Variants in CCAR1 observed in about 807,000 individuals in gnomAD.
The protein encoded by CCAR1 is cell division cycle and apoptosis regulator 1, also known as cell division cycle and apoptosis regulator protein 1.
CCAR1 carries 78 observed loss-of-function variants against 163.8 expected under a neutral mutation model. The ratio of observed to expected loss-of-function variants is 0.48; its 90% CI spans 0.40 to 0.57. The LOEUF (loss-of-function observed/expected upper bound fraction) is 0.57. Ranked by LOEUF, CCAR1 falls within the 20% of genes least tolerant of loss-of-function variation. The pLI is 0.00. For missense variants in CCAR1, 1,019 were observed against 1,365.2 expected (o/e 0.75, Z 4.00); for synonymous variants, 443 against 460.7 (o/e 0.96, Z 0.49).
intron 19 of CCAR1, among the ~76,000 whole-genome samples, chr10:68,778,506 C>T (rs2056695806): frequency 1.4e-5 from 2 of 146,840 alleles, no homozygotes; most frequent in Non-Finnish European, 3.0e-5. Context: ...TCCCTTACTG[C>T]ACATTTCTGG....
chr10:68,766,505 C>G (rs570339353), intron 17 of CCAR1, among the ~76,000 whole-genome samples: 20 of 149,862 alleles, frequency 1.3e-4, no homozygotes, highest in Non-Finnish European at 5.9e-5. Context: ...GCCCGTATCT[C>G]TGAAATCTCT....
At chr10:68,789,966 T>C (rs772973516) in intron 24 of CCAR1, 51 bp downstream of exon 24, 3 of 1,193,188 alleles carry the variant, frequency 2.5e-6, no homozygotes, top group Non-Finnish European at 3.5e-6. Context: ...AATCTAACTC[T>C]GGTGTTTTTA....
chr10:68,721,301 T>C lies in CCAR1; in HGVS notation c.-51+19T>C. 1 of 211,914 alleles carries C rather than the reference T, an allele frequency of 4.7e-6. No homozygotes were observed. The highest frequency in any genetic ancestry group is 4.3e-5 in the South Asian group (1 of 23,178). 13.1% of individuals were successfully genotyped at this position (211,914 alleles called of 1,614,324 possible). The stretch of plus-strand genomic sequence containing the variant: ...GACTCAGGTGAAGGTCTGGTCCCCG[T>C]AGTTGGAGCAGTGGGCGGCCAAGCC... On this transcript the variant is annotated intron_variant, in intron 1 of 24. Transcript: ENST00000265872.
intron 19 of CCAR1, among the ~76,000 whole-genome samples, chr10:68,774,064 G>A (rs995863786): frequency 1.4e-4 from 21 of 151,920 alleles, no homozygotes; most frequent in African/African-American, 4.1e-4. Flanking sequence ...GGCTAATTTT[G>A]TATTTTTAGT....
intron 2 of CCAR1, among the ~76,000 whole-genome samples, chr10:68,728,092 C>T (rs1477060055): frequency 1.3e-5 from 2 of 152,166 alleles, no homozygotes; most frequent in Admixed American, 6.5e-5. Context: ...CCGCCTTGGC[C>T]TCCCAAAATG....
chr10:68,768,715 C>T (rs1564546344), intron 17 of CCAR1, among the ~76,000 whole-genome samples: 3 of 151,720 alleles, frequency 2.0e-5, no homozygotes, highest in Non-Finnish European at 4.4e-5. Context: ...GGGCACAGTC[C>T]CTACGGCACT....
At chr10:68,763,111 T>TC (rs1389741284) in intron 16 of CCAR1, among the ~76,000 whole-genome samples, 12 of 80,862 alleles carry the variant, frequency 1.5e-4, no homozygotes, top group African/African-American at 4.2e-4. Flanking sequence ...ACTTGTGATT[T>TC]CTTTTTTTTT....
chr10:68,771,751 C>G (rs1036314405), intron 18 of CCAR1, among the ~76,000 whole-genome samples: 1 of 151,932 alleles, frequency 6.6e-6, no homozygotes, highest in Non-Finnish European at 1.5e-5. Flanking sequence ...CCACTGCACT[C>G]CAGCCTGGGT....
intron 1 of CCAR1, chr10:68,721,547 T>G (rs2055856903): frequency 2.2e-6 from 1 of 448,374 alleles, no homozygotes. Context: ...ATGGCGACGC[T>G]GCAGTCCGCC....
rs2056495390 is a variant in CCAR1 at position 68,763,207 on chromosome 10, G to A, written c.2106+2015G>A. 3.3e-5 allele frequency among the ~76,000 whole-genome samples: 5 copies of A among 152,058 alleles called. No homozygotes were observed. In the South Asian group the frequency reaches 1.0e-3, roughly 31 times the overall value. The stretch of plus-strand genomic sequence containing the variant: ...CGCCCTGTTGCCAGGTTGGAGTGCA[G>A]TGGTGCGATCTCGGCTCACTGCAGC... On this transcript the variant is annotated intron_variant, in intron 16 of 24. Transcript: ENST00000265872.
At chr10:68,790,291 G>A (rs936716938) in intron 24 of CCAR1, among the ~76,000 whole-genome samples, 2 of 151,478 alleles carry the variant, frequency 1.3e-5, no homozygotes, top group African/African-American at 2.4e-5. Flanking sequence ...TGAAGCAGAG[G>A]TTTCAGTGAG....
intron 23 of CCAR1, among the ~76,000 whole-genome samples, chr10:68,789,287 A>G (rs1356019672): frequency 6.6e-6 from 1 of 151,950 alleles, no homozygotes; most frequent in Non-Finnish European, 1.5e-5. Context: ...GAAATAATAC[A>G]AGTTAAAAAT....
Position 68,755,353 on chromosome 10 carries a change from T to C in CCAR1, c.1459-17T>C. ...AGGGTGCGTAATATATGTAAATGAT[T>C]CTTTGTTTTGAATTAGTTTTTAGTG... On this transcript the variant is annotated splice_polypyrimidine_tract_variant and intron_variant, in intron 12 of 24. Coordinates refer to ENST00000265872, the MANE Select transcript of CCAR1 (RefSeq NM_018237.4). The C allele has an allele frequency of 6.2e-7, 1 of 1,604,456 alleles. No homozygotes were observed. Among genetic ancestry groups the C allele is most frequent in the East Asian group, 2.2e-5 (1 of 44,732 alleles).
chr10:68,735,371 CTTTTTTTTT>C (rs34103994), intron 2 of CCAR1, among the ~76,000 whole-genome samples: 3 of 115,420 alleles, frequency 2.6e-5, no homozygotes, highest in East Asian at 2.6e-4. Context: ...CGTTTTTGTG[CTTTTTTTTT>C]TTTTTTTTTT....
intron 2 of CCAR1, among the ~76,000 whole-genome samples, chr10:68,724,830 A>G (rs1489220823): frequency 6.6e-6 from 1 of 152,114 alleles, no homozygotes; most frequent in African/African-American, 2.4e-5. Context: ...TAGTTACTAG[A>G]CAAAGGAAAA....
chr10:68,783,880 G>C (rs1322015009), intron 19 of CCAR1, among the ~76,000 whole-genome samples: 1 of 151,202 alleles, frequency 6.6e-6, no homozygotes, highest in Non-Finnish European at 1.5e-5. Flanking sequence ...TCAGCCTCCT[G>C]AGTAGTTGGG....
At chr10:68,741,136 C>T (rs1466430201) in intron 5 of CCAR1, among the ~76,000 whole-genome samples, 1 of 151,874 alleles carries the variant, frequency 6.6e-6, no homozygotes, top group Non-Finnish European at 1.5e-5. Flanking sequence ...CTGGTCTCGC[C>T]TAAGGTCCAG....
chr10:68,729,009 T>A (rs1387806570), intron 2 of CCAR1, among the ~76,000 whole-genome samples: 9 of 151,998 alleles, frequency 5.9e-5, no homozygotes, highest in African/African-American at 1.2e-4. Flanking sequence ...AATAAGCATG[T>A]GCTACATCTG....
intron 2 of CCAR1, among the ~76,000 whole-genome samples, chr10:68,729,033 G>A (rs1177332297): frequency 6.6e-6 from 1 of 151,710 alleles, no homozygotes; most frequent in African/African-American, 2.4e-5. Flanking sequence ...TGTATAATAT[G>A]ATACCCACTA....
Sources: allele counts gnomAD v4.1 joint callset (sites outside exome capture counted in the v4.1 genomes callset), GRCh38; gene constraint gnomAD v4.1.1; transcripts MANE v1.5; gene names NCBI Gene and HGNC (gene_info 2026-07-23, HGNC 2026-07-21).